C3orf62: variants seen among roughly 807,000 people sequenced by gnomAD.
C3orf62 encodes uncharacterized protein C3orf62.
A neutral mutation model predicts 21.7 loss-of-function variants in C3orf62; 16 were observed. The observed-to-expected ratio is 0.74, with a 90% CI of 0.50 to 1.12. The LOEUF (loss-of-function observed/expected upper bound fraction) is 1.12. Among genes scored for constraint, C3orf62 ranks in the 50% most tolerant of loss-of-function variants. The pLI is 0.00. For synonymous variants in C3orf62, 114 were observed against 117.0 expected, an observed-to-expected ratio of 0.97 and a Z score of 0.17; for missense variants, 310 against 318.8, an observed-to-expected ratio of 0.97 and a Z score of 0.21.
Position 49,277,043 on chromosome 3 carries a change from G to A in C3orf62, c.-171C>T. The A allele has an allele frequency of 6.8e-7, 1 of 1,467,774 alleles. No individual in the cohort carries two copies. The highest frequency in any genetic ancestry group is 2.5e-5 in the East Asian group (1 of 40,040). The allele number at this position is 1,467,774 out of a possible 1,614,324, so 90.9% of individuals were successfully genotyped here. A position where few individuals can be genotyped will look rare whatever the true frequency, so the allele number is the denominator to read the frequency against. On this transcript the variant is annotated 5_prime_UTR_variant, in exon 1 of 3. Coordinates refer to ENST00000343010, the MANE Select transcript of C3orf62 (RefSeq NM_198562.3). ...TCGCGGAGGAACCCGCCATCTGCCA[G>A]AAGCCCCAAAGACGCCCCGCCCCAC...
chr3:49,271,442 T>C lies in C3orf62; in HGVS notation c.542A>G (p.His181Arg), dbSNP rs932989994. ...VTKDLLDMID[H>R]TSIRTIEELA... ...TTCTTCAATAGTTCGGATGCTTGTA[T>C]GGTCTTAAAAATAAGAACATTCAGC... Residue 181 changes from histidine (H) to arginine (R), a missense_variant, in exon 3 of 3, where the codon CAT becomes CGT. Physicochemically the swap from His to Arg is conservative, Grantham distance 29. Transcript: ENST00000343010. 1.1e-5 allele frequency: 18 copies of C among 1,610,780 alleles called. No individual in the cohort carries two copies. Among genetic ancestry groups the C allele is most frequent in the Non-Finnish European group, 1.5e-5 (18 of 1,177,800 alleles).
chr3:49,271,296 C>T lies in C3orf62; in HGVS notation c.688G>A (p.Asp230Asn). ...TGTTTGAGGCTGCCAGGGTCAGCAT[C>T]TGTGGCCTTCTGAGGGCTCTTGTCC... is the stretch of plus-strand genomic sequence containing the variant. ...LMDKSPQKAT[D>N]ADPGSLKQAF... Residue 230 changes from aspartate to asparagine, a missense_variant, in exon 3 of 3, where the codon GAT becomes AAT. Transcript: ENST00000343010. 2 of 1,614,200 alleles carry T rather than the reference C, an allele frequency of 1.2e-6. No homozygotes were observed. Among genetic ancestry groups the T allele is most frequent in the East Asian group, 4.5e-5 (2 of 44,888 alleles).
In C3orf62 at chr3:49,276,782, C is replaced by T. The variant is rs1270302634; in HGVS notation, c.91G>A (p.Ala31Thr). ...RKELTAAIDR[A>T]FEGVSYSQEC... ...TGGGAATAACTAACTCCTTCAAAGG[C>T]CCGGTCAATGGCTGCAGTCAGTTCC... is the stretch of plus-strand genomic sequence containing the variant. Residue 31 changes from alanine to threonine, a missense_variant, in exon 1 of 3, where the codon GCC becomes ACC. Physicochemically the swap from Ala to Thr is moderately conservative, Grantham distance 58. Coordinates refer to ENST00000343010, the MANE Select transcript of C3orf62 (RefSeq NM_198562.3). 1 of 1,614,236 alleles carries T rather than the reference C, an allele frequency of 6.2e-7. No homozygotes were observed. Among genetic ancestry groups the T allele is most frequent in the African/African-American group, 1.3e-5 (1 of 75,068 alleles).
intron 2 of C3orf62, among the ~76,000 whole-genome samples, chr3:49,272,589 G>A (rs1040209760): frequency 4.4e-5 from 5 of 113,094 alleles, no homozygotes; most frequent in Non-Finnish European, 8.2e-5. Context: ...CTGTCACCCA[G>A]GCTGGAGGGC....
chr3:49,273,220 G>C lies in C3orf62; in HGVS notation c.538+829C>G, dbSNP rs150819589. Among the ~76,000 whole-genome samples the C allele has an allele frequency of 1.2e-4, 19 of 152,276 alleles. No individual in the cohort carries two copies. The East Asian group carries it at 3.7e-3, about 29-fold the overall frequency. ...GTGGATTACTTGAGACTAGGAGTTC[G>C]AGACCAGCCTGGACAACACAGCAAA... On this transcript the variant is annotated intron_variant, in intron 2 of 2. Coordinates refer to ENST00000343010, the MANE Select transcript of C3orf62 (RefSeq NM_198562.3).
Position 49,270,933 on chromosome 3 carries a change from A to C in C3orf62, c.*247T>G. ...GGTATATTGAACATCAATCAAAAAA[A>C]CACATTCAAGATGTCAAGGAAAGTT... On this transcript the variant is annotated 3_prime_UTR_variant, in exon 3 of 3. Coordinates refer to ENST00000343010, the MANE Select transcript of C3orf62 (RefSeq NM_198562.3). The C allele has an allele frequency of 2.0e-6, 1 of 504,154 alleles. No homozygotes were observed. The highest frequency in any genetic ancestry group is 2.7e-5 in the South Asian group (1 of 37,340). 31.2% of individuals were successfully genotyped at this position (504,154 alleles called of 1,614,324 possible). A position where few individuals can be genotyped will look rare whatever the true frequency, so the allele number is the denominator to read the frequency against.
At position 49,270,934 on chromosome 3, in the gene C3orf62, C is replaced by G; in HGVS notation, c.*246G>C. ...GTATATTGAACATCAATCAAAAAAA[C>G]ACATTCAAGATGTCAAGGAAAGTTA... On this transcript the variant is annotated 3_prime_UTR_variant, in exon 3 of 3. Coordinates refer to ENST00000343010, the MANE Select transcript of C3orf62 (RefSeq NM_198562.3). 4.0e-6 allele frequency: 2 copies of G among 500,616 alleles called. No individual in the cohort carries two copies. Among genetic ancestry groups the G allele is most frequent in the Non-Finnish European group, 7.1e-6 (2 of 283,282 alleles). The allele number at this position is 500,616 out of a possible 1,614,324, so 31.0% of individuals were successfully genotyped here.
chr3:49,272,084 G>T (rs1448844157), intron 2 of C3orf62, among the ~76,000 whole-genome samples: 1 of 152,046 alleles, frequency 6.6e-6, no homozygotes, highest in Non-Finnish European at 1.5e-5. Flanking sequence ...TGGCCCAGGG[G>T]GTGTACCCTA....
Position 49,277,078 on chromosome 3 carries a change from C to T in C3orf62, c.-206G>A. ...AGACGCCCCGCCCCACTTCCCACAG[C>T]TTCCTGGCCCGCCCCGCCGCTGCCT... is the stretch of plus-strand genomic sequence containing the variant. On this transcript the variant is annotated 5_prime_UTR_variant, in exon 1 of 3. Transcript: ENST00000343010. 6.7e-6 allele frequency: 10 copies of T among 1,485,848 alleles called. No homozygotes were observed. The highest frequency in any genetic ancestry group is 9.0e-6 in the Non-Finnish European group (10 of 1,117,094). 92.0% of individuals were successfully genotyped at this position (1,485,848 alleles called of 1,614,324 possible). A position where few individuals can be genotyped will look rare whatever the true frequency, so the allele number is the denominator to read the frequency against.
chr3:49,271,342 C>T lies in C3orf62; in HGVS notation c.642G>A (p.Glu214=), dbSNP rs781255438. Residue 214 remains glutamate (E), a synonymous_variant, in exon 3 of 3, where the codon GAG becomes GAA. Transcript: ENST00000343010. ...TGTCCATGAGCAGGGCCCAGGCTTCCTCTTTGAAGGGTGAATCTTGGCAAT... is the reference window on the plus strand; with the variant it reads ...TGTCCATGAGCAGGGCCCAGGCTTCTTCTTTGAAGGGTGAATCTTGGCAAT... ...CGHCQDSPFK[E]EAWALLMDKS... 1 of 1,614,222 alleles carries T rather than the reference C, an allele frequency of 6.2e-7. No homozygotes were observed. Among genetic ancestry groups the T allele is most frequent in the East Asian group, 2.2e-5 (1 of 44,892 alleles).
intron 2 of C3orf62, among the ~76,000 whole-genome samples, 153 bp downstream of exon 2, chr3:49,273,896 C>T (rs1417750139): frequency 6.6e-6 from 1 of 152,132 alleles, no homozygotes; most frequent in Non-Finnish European, 1.5e-5. Flanking sequence ...CCTCATGATT[C>T]GATCTCCTCG....
rs1204507619 is a variant in C3orf62 at position 49,270,222 on chromosome 3, A to G, written c.*958T>C. On this transcript the variant is annotated 3_prime_UTR_variant, in exon 3 of 3. Transcript: ENST00000343010. The stretch of plus-strand genomic sequence containing the variant: ...CCACTCCTTCCCCACTTCTTATACT[A>G]TACTTCACTTGGTCTTTAAAAACAA... 6.6e-6 allele frequency: 1 copy of G among 152,236 alleles called. No homozygotes were observed. Among genetic ancestry groups the G allele is most frequent in the East Asian group, 1.9e-4 (1 of 5,196 alleles). The allele number at this position is 152,236 out of a possible 1,614,324, so 9.4% of individuals were successfully genotyped here.
intron 2 of C3orf62, among the ~76,000 whole-genome samples, chr3:49,273,447 G>GT (rs1035421217): frequency 1.3e-5 from 2 of 151,988 alleles, no homozygotes; most frequent in African/African-American, 4.8e-5. Flanking sequence ...TGGTGGTGGT[G>GT]TTTTTTCTTT....
chr3:49,274,683 C>A (rs1248810279), intron 1 of C3orf62: 2 of 151,758 alleles, frequency 1.3e-5, no homozygotes, highest in Non-Finnish European at 2.9e-5. Flanking sequence ...TGCCACCACG[C>A]CCAGCTAATT....
intron 1 of C3orf62, among the ~76,000 whole-genome samples, chr3:49,275,067 G>A (rs2046941912): frequency 1.3e-5 from 2 of 151,756 alleles, no homozygotes; most frequent in Non-Finnish European, 2.9e-5. Context: ...TGATTCATCC[G>A]CCTCAGCCTC....
chr3:49,273,210 C>T (rs756420177), intron 2 of C3orf62, among the ~76,000 whole-genome samples: 20 of 152,268 alleles, frequency 1.3e-4, no homozygotes, highest in Non-Finnish European at 2.4e-4. Context: ...TTACTTGAGA[C>T]TAGGAGTTCG....
intron 1 of C3orf62, chr3:49,274,364 T>C (rs2046935220): frequency 1.1e-5 from 5 of 471,146 alleles, no homozygotes; most frequent in Non-Finnish European, 1.9e-5. Flanking sequence ...CTGTATTAAA[T>C]TTTTTTCTTT....
Position 49,271,323 on chromosome 3 carries a change from T to C in C3orf62, c.661A>G (p.Met221Val). The C allele has an allele frequency of 6.2e-7, 1 of 1,614,234 alleles. No individual in the cohort carries two copies. Among genetic ancestry groups the C allele is most frequent in the Non-Finnish European group, 8.5e-7 (1 of 1,180,046 alleles). ...GTGGCCTTCTGAGGGCTCTTGTCCA[T>C]GAGCAGGGCCCAGGCTTCCTCTTTG... ...PFKEEAWALLMDKSPQKATDA... is the reference protein window; with the variant it reads ...PFKEEAWALLVDKSPQKATDA... The change falls in exon 3 of 3, where the codon ATG (methionine) becomes GTG (valine). Residue 221 changes from methionine to valine, a missense_variant. By Grantham distance (21) the Met-to-Val change is conservative. Transcript: ENST00000343010.
rs1235466521 is a variant in C3orf62, at chr3:49,269,115, C to T, written c.*2065G>A. 1 of 152,140 alleles carries T rather than the reference C, an allele frequency of 6.6e-6. No homozygotes were observed. The highest frequency in any genetic ancestry group is 2.4e-5 in the African/African-American group (1 of 41,422). 9.4% of individuals were successfully genotyped at this position (152,140 alleles called of 1,614,324 possible). A position where few individuals can be genotyped will look rare whatever the true frequency, so the allele number is the denominator to read the frequency against. ...GCCAGGTATCTTGTAGAATGTACCCCACGTCTGGATTTGTCTAACATTTGT... is the reference window on the plus strand; with the variant it reads ...GCCAGGTATCTTGTAGAATGTACCCTACGTCTGGATTTGTCTAACATTTGT... On this transcript the variant is annotated 3_prime_UTR_variant, in exon 3 of 3. Coordinates refer to ENST00000343010, the MANE Select transcript of C3orf62 (RefSeq NM_198562.3).
Sources: gnomAD v4.1 joint callset for allele counts (sites outside exome capture counted in the v4.1 genomes callset) on GRCh38, gnomAD v4.1.1 for gene constraint, MANE v1.5 for transcripts, NCBI Gene and HGNC (gene_info 2026-07-23, HGNC 2026-07-21) for gene names.